Variants in EPB41L4A observed in about 807,000 individuals in gnomAD.
EPB41L4A encodes the protein band 4.1-like protein 4A.
In EPB41L4A, 100 loss-of-function variants were observed where a neutral mutation model predicts 108.6. The ratio of observed to expected loss-of-function variants is 0.92; its 90% confidence interval spans 0.78 to 1.09. EPB41L4A has a LOEUF of 1.09. EPB41L4A is among the 50% of genes least tolerant of loss of function. EPB41L4A has a pLI of 0.00. For missense variants in EPB41L4A, 1,030 were observed against 842.7 expected, an observed-to-expected ratio of 1.22 and a Z score of -2.75; for synonymous variants, 319 against 289.0, an observed-to-expected ratio of 1.10 and a Z score of -1.05.
chr5:112,256,406 A>G (rs1179687068), intron 9 of EPB41L4A, among the ~76,000 whole-genome samples: 1 of 152,168 alleles, frequency 6.6e-6, no homozygotes, highest in Admixed American at 6.5e-5. Flanking sequence ...GAAGGAATAA[A>G]TTATTTTCAT....
intron 2 of EPB41L4A, among the ~76,000 whole-genome samples, chr5:112,286,943 C>T (rs563094656): frequency 2.0e-5 from 3 of 152,248 alleles, no homozygotes; most frequent in East Asian, 3.9e-4. Context: ...ATTACCTCCA[C>T]GTTGTTCCAT....
chr5:112,175,991 A>G (rs1208266085), intron 18 of EPB41L4A, among the ~76,000 whole-genome samples: 1 of 152,148 alleles, frequency 6.6e-6, no homozygotes, highest in Admixed American at 6.5e-5. Context: ...ACCAAATTCA[A>G]GTCTCTAAGG....
At chr5:112,371,196 A>G (rs1370888720) in intron 1 of EPB41L4A, among the ~76,000 whole-genome samples, 1 of 152,194 alleles carries the variant, frequency 6.6e-6, no homozygotes, top group Non-Finnish European at 1.5e-5. Context: ...TCAACGCCCT[A>G]GCAGCTGTTA....
At chr5:112,409,789 T>G (rs754811062) in intron 1 of EPB41L4A, among the ~76,000 whole-genome samples, 2 of 152,146 alleles carry the variant, frequency 1.3e-5, no homozygotes, top group African/African-American at 2.4e-5. Flanking sequence ...AAGGGTTTCA[T>G]GTATAGCATC....
chr5:112,356,655 G>A (rs1358272450), intron 1 of EPB41L4A, among the ~76,000 whole-genome samples: 2 of 152,154 alleles, frequency 1.3e-5, no homozygotes, highest in Admixed American at 6.5e-5. Context: ...AGTCTCCAGA[G>A]ACCTTAATCA....
At chr5:112,169,526 A>G (rs1760452319) in intron 20 of EPB41L4A, among the ~76,000 whole-genome samples, 1 of 152,174 alleles carries the variant, frequency 6.6e-6, no homozygotes, top group South Asian at 2.1e-4. Context: ...TTGCTAAGAA[A>G]GTAGATCTTA....
rs115279328 is a variant in EPB41L4A at position 112,348,753 on chromosome 5, T to C, written c.100-41263A>G. Among the ~76,000 whole-genome samples, 902 of 152,328 alleles carry C rather than the reference T, an allele frequency of 5.9e-3. 8 individuals carry two copies. Among genetic ancestry groups the C allele is most frequent in the African/African-American group, 0.02 (820 of 41,566 alleles). Reference sequence around the variant, plus strand: ...CCATATGTCCACTCAGAACCACATATGTGCAAATCAAAACTGTGTTTCAAG... The same window carrying C: ...CCATATGTCCACTCAGAACCACATACGTGCAAATCAAAACTGTGTTTCAAG... On this transcript the variant is annotated intron_variant, in intron 1 of 22. Transcript: ENST00000261486.
At chr5:112,261,626 A>G in intron 7 of EPB41L4A, among the ~76,000 whole-genome samples, 1 of 134,732 alleles carries the variant, frequency 7.4e-6, no homozygotes, top group African/African-American at 2.5e-5. Context: ...GTGCAGATTC[A>G]GTGTAATTGC....
intron 1 of EPB41L4A, among the ~76,000 whole-genome samples, chr5:112,374,923 T>C (rs1012545169): frequency 6.6e-6 from 1 of 152,210 alleles, no homozygotes; most frequent in Admixed American, 6.5e-5. Context: ...CTACGTTTTT[T>C]AAAAACCACA....
intron 12 of EPB41L4A, among the ~76,000 whole-genome samples, chr5:112,223,058 C>G (rs887163681): frequency 6.6e-6 from 1 of 151,872 alleles, no homozygotes; most frequent in Non-Finnish European, 1.5e-5. Context: ...TGTGCCTCAG[C>G]CTTCCAAGTA....
intron 13 of EPB41L4A, among the ~76,000 whole-genome samples, chr5:112,144,433 G>A (rs1315886939): frequency 6.6e-6 from 1 of 152,078 alleles, no homozygotes; most frequent in East Asian, 1.9e-4. Context: ...CTACAGGTGT[G>A]TGCCACCACA....
chr5:112,207,435 C>T (rs1762526132), intron 13 of EPB41L4A, among the ~76,000 whole-genome samples: 1 of 151,996 alleles, frequency 6.6e-6, no homozygotes, highest in Non-Finnish European at 1.5e-5. Context: ...ACAAGTGAGA[C>T]TTTAAAGAGC....
At chr5:112,309,483 A>G (rs918916740) in intron 1 of EPB41L4A, among the ~76,000 whole-genome samples, 8 of 152,084 alleles carry the variant, frequency 5.3e-5, no homozygotes, top group African/African-American at 1.7e-4. Context: ...ATACTAAGAT[A>G]TTTACAAAGT....
chr5:112,204,287 C>A, intron 15 of EPB41L4A, 88 bp downstream of exon 15: 1 of 761,952 alleles, frequency 1.3e-6, no homozygotes, highest in South Asian at 1.8e-5. Context: ...ACAGTAATGT[C>A]GGTATAAGAA....
rs73229371 is a variant in EPB41L4A at position 112,252,591 on chromosome 5, G to A, written c.795+6638C>T. On this transcript the variant is annotated intron_variant, in intron 9 of 22. Coordinates refer to ENST00000261486, the MANE Select transcript of EPB41L4A (RefSeq NM_022140.5). ...TAGTTAGGTACCTGTGTGAACTAAT[G>A]CAAGAACATAAAACCAAATACCAGG... Among the ~76,000 whole-genome samples, 239 of 152,262 alleles carry A rather than the reference G, an allele frequency of 1.6e-3. 2 individuals carry two copies. Among genetic ancestry groups the A allele is most frequent in the African/African-American group, 5.6e-3 (231 of 41,538 alleles).
At chr5:112,242,066 A>C (rs1749829014) in intron 9 of EPB41L4A, among the ~76,000 whole-genome samples, 1 of 152,186 alleles carries the variant, frequency 6.6e-6, no homozygotes, top group Non-Finnish European at 1.5e-5. Flanking sequence ...CTACTGACTG[A>C]CCAGGGTGGT....
intron 1 of EPB41L4A, among the ~76,000 whole-genome samples, chr5:112,332,544 C>T (rs923085718): frequency 4.6e-5 from 7 of 152,340 alleles, no homozygotes; most frequent in African/African-American, 1.7e-4. Flanking sequence ...ACACCCCAGA[C>T]TCTCTCTGGA....
chr5:112,329,060 C>T (rs1157371231), intron 1 of EPB41L4A, among the ~76,000 whole-genome samples: 4 of 152,140 alleles, frequency 2.6e-5, no homozygotes, highest in East Asian at 1.9e-4. Context: ...CTGTGCAGTC[C>T]GATACGGTAG....
chr5:112,222,168 G>A (rs951625281), intron 12 of EPB41L4A, among the ~76,000 whole-genome samples: 3 of 152,222 alleles, frequency 2.0e-5, no homozygotes, highest in Admixed American at 6.5e-5. Flanking sequence ...TGAGCAGAAT[G>A]TATGGTCTTC....
Sources: allele counts gnomAD v4.1 joint callset (sites outside exome capture counted in the v4.1 genomes callset), GRCh38; gene constraint gnomAD v4.1.1; transcripts MANE v1.5; gene names NCBI Gene and HGNC (gene_info 2026-07-23, HGNC 2026-07-21).